TMEM108: variants seen among roughly 807,000 people sequenced by gnomAD.
The protein encoded by TMEM108 is transmembrane protein 108, also known as cancer/testis antigen 124.
A neutral mutation model predicts 35.1 loss-of-function variants in TMEM108; 12 were observed. The observed-to-expected ratio is 0.34, with a 90% CI of 0.22 to 0.55. The LOEUF is 0.55. TMEM108 is among the 20% of genes least tolerant of loss of function. The pLI, the probability that TMEM108 is intolerant of heterozygous loss-of-function variation, is 0.89. For synonymous variants in TMEM108, 287 were observed against 308.6 expected (o/e 0.93, Z 0.73); for missense variants, 680 against 753.3 (o/e 0.90, Z 1.14).
chr3:133,189,083 G>T (rs553563145), intron 2 of TMEM108, among the ~76,000 whole-genome samples: 2 of 152,332 alleles, frequency 1.3e-5, no homozygotes, highest in South Asian at 4.1e-4. Context: ...GTGACCTGAA[G>T]AAGGAAGAAG....
At chr3:133,206,667 T>C (rs865870077) in intron 2 of TMEM108, among the ~76,000 whole-genome samples, 2 of 152,246 alleles carry the variant, frequency 1.3e-5, no homozygotes, top group Non-Finnish European at 2.9e-5. Context: ...TGTTCCTTCC[T>C]CTGGAAGCTT....
At position 133,171,162 on chromosome 3, in the gene TMEM108, ATCGACATTATAGTTTGTCTAC is replaced by A. The variant is rs976816155; in HGVS notation, c.-46-58103_-46-58083del. Among the ~76,000 whole-genome samples the A allele has an allele frequency of 6.6e-5, 10 of 152,288 alleles. No homozygotes were observed. In the East Asian group the frequency reaches 1.9e-3, roughly 29 times the overall value. Reference sequence around the variant, plus strand: ...TGACTGGCTTTCTGTTAATCTGTGTATCGACATTATAGTTTGTCTACCCATACTAGGTACATGAAAGAAGTT... The same window carrying A: ...TGACTGGCTTTCTGTTAATCTGTGTACCATACTAGGTACATGAAAGAAGTT... On this transcript the variant is annotated intron_variant, in intron 2 of 5. Coordinates refer to ENST00000321871, the MANE Select transcript of TMEM108 (RefSeq NM_023943.4).
At chr3:133,384,118 C>T (rs750883810) in intron 4 of TMEM108, among the ~76,000 whole-genome samples, 7 of 152,214 alleles carry the variant, frequency 4.6e-5, no homozygotes, top group African/African-American at 1.7e-4. Flanking sequence ...ACCTCTTCCA[C>T]GTCTAAGGGC....
chr3:133,201,148 C>A (rs75596587), intron 2 of TMEM108, among the ~76,000 whole-genome samples: 1 of 152,060 alleles, frequency 6.6e-6, no homozygotes, highest in Non-Finnish European at 1.5e-5. Flanking sequence ...ATTTACAAAG[C>A]CTGTATCAAA....
At chr3:133,229,669 G>C (rs1946122501) in intron 3 of TMEM108, among the ~76,000 whole-genome samples, 1 of 152,080 alleles carries the variant, frequency 6.6e-6, no homozygotes, top group Admixed American at 6.6e-5. Flanking sequence ...AGTTAATTTG[G>C]GAATGAGTGT....
At chr3:133,359,330 G>T (rs2072273794) in intron 3 of TMEM108, among the ~76,000 whole-genome samples, 1 of 152,156 alleles carries the variant, frequency 6.6e-6, no homozygotes, top group South Asian at 2.1e-4. Flanking sequence ...TTTCTAAGAG[G>T]TTGCCATAGT....
intron 2 of TMEM108, among the ~76,000 whole-genome samples, chr3:133,046,830 A>G (rs1943345251): frequency 7.2e-6 from 1 of 139,310 alleles, no homozygotes; most frequent in Non-Finnish European, 1.6e-5. Context: ...AAAGCTGAGG[A>G]TGGTTAAGAA....
rs1356437621 is a variant in TMEM108 at position 133,396,300 on chromosome 3, ACCT to A, written c.*318_*320del. 7 of 145,424 alleles carry A rather than the reference ACCT, an allele frequency of 4.8e-5. No homozygotes were observed. In the Admixed American group the frequency reaches 5.1e-4, roughly 11 times the overall value. The allele number at this position is 145,424 out of a possible 1,614,324, so 9.0% of individuals were successfully genotyped here. On this transcript the variant is annotated 3_prime_UTR_variant, in exon 6 of 6. Transcript: ENST00000321871. ...CCTGGTCAGGTGAGGTAAGAGACTG[ACCT>A]CCTGTAGAAGCTGAATGTTACAGTG...
At chr3:133,327,736 C>T (rs928838654) in intron 3 of TMEM108, among the ~76,000 whole-genome samples, 10 of 152,204 alleles carry the variant, frequency 6.6e-5, no homozygotes, top group African/African-American at 2.2e-4. Flanking sequence ...ATGGAAAGAG[C>T]AGAGGTAAGG....
intron 2 of TMEM108, among the ~76,000 whole-genome samples, chr3:133,115,733 T>C (rs774218519): frequency 2.0e-4 from 30 of 152,218 alleles, no homozygotes; most frequent in Non-Finnish European, 4.0e-4. Flanking sequence ...TCTTAGAAGA[T>C]AGGGGGAGGA....
chr3:133,173,998 A>G (rs971105384), intron 2 of TMEM108, among the ~76,000 whole-genome samples: 6 of 152,186 alleles, frequency 3.9e-5, no homozygotes, highest in African/African-American at 1.2e-4. Flanking sequence ...CACTTTTCCA[A>G]TGGTCTTAGC....
At chr3:133,394,170 AG>A (rs1437402244) in intron 5 of TMEM108, among the ~76,000 whole-genome samples, 2 of 152,238 alleles carry the variant, frequency 1.3e-5, no homozygotes, top group Non-Finnish European at 2.9e-5. Context: ...CCATCTCTAG[AG>A]CAATCATAAG....
intron 3 of TMEM108, chr3:133,378,602 G>GAGAC: frequency 2.1e-6 from 2 of 947,524 alleles, no homozygotes; most frequent in Non-Finnish European, 2.5e-6. Context: ...CTCAGCCGTA[G>GAGAC]AGACAGGCTC....
At chr3:133,112,238 G>C (rs1944234606) in intron 2 of TMEM108, among the ~76,000 whole-genome samples, 2 of 152,056 alleles carry the variant, frequency 1.3e-5, no homozygotes, top group Admixed American at 1.3e-4. Context: ...AAATGACTCT[G>C]GGAAGATATA....
chr3:133,088,860 T>A (rs1430490676), intron 2 of TMEM108, among the ~76,000 whole-genome samples: 1 of 152,174 alleles, frequency 6.6e-6, no homozygotes, highest in Non-Finnish European at 1.5e-5. Flanking sequence ...ACCTGGTGTG[T>A]TAGTCCATTC....
At position 133,109,553 on chromosome 3, in the gene TMEM108, A is replaced by T. The variant is rs116944687; in HGVS notation, c.-47+63533A>T. 5.3e-5 allele frequency among the ~76,000 whole-genome samples: 8 copies of T among 152,356 alleles called. No homozygotes were observed. The East Asian group carries it at 1.5e-3, about 29-fold the overall frequency. ...CTCTGTTTCTAAAGAGAATAGGGCAAACGTTACAACCAGAGATATTCCTTG... is the reference window on the plus strand; with the variant it reads ...CTCTGTTTCTAAAGAGAATAGGGCATACGTTACAACCAGAGATATTCCTTG... On this transcript the variant is annotated intron_variant, in intron 2 of 5. Transcript: ENST00000321871.
At chr3:133,053,781 C>T (rs1943433729) in intron 2 of TMEM108, among the ~76,000 whole-genome samples, 2 of 152,192 alleles carry the variant, frequency 1.3e-5, no homozygotes, top group South Asian at 4.1e-4. Flanking sequence ...ACTTTTAGAT[C>T]ATTAATGTGG....
intron 2 of TMEM108, among the ~76,000 whole-genome samples, chr3:133,046,971 T>G (rs1323384849): frequency 6.6e-6 from 1 of 152,186 alleles, no homozygotes; most frequent in Non-Finnish European, 1.5e-5. Flanking sequence ...CAGAAAAGGC[T>G]GGTATCTTTC....
chr3:133,129,236 A>G (rs1399232205), intron 2 of TMEM108, among the ~76,000 whole-genome samples: 1 of 151,846 alleles, frequency 6.6e-6, no homozygotes, highest in Non-Finnish European at 1.5e-5. Context: ...CCGGCTATTC[A>G]GGAGGCTGAG....
Sources: allele counts gnomAD v4.1 joint callset (sites outside exome capture counted in the v4.1 genomes callset), GRCh38; gene constraint gnomAD v4.1.1; transcripts MANE v1.5; gene names NCBI Gene and HGNC (gene_info 2026-07-23, HGNC 2026-07-21).